GTF2IRD1: variants seen among roughly 807,000 people sequenced by gnomAD.
GTF2IRD1 encodes the protein GTF2I repeat domain containing 1.
GTF2IRD1 carries 26 observed loss-of-function variants against 113.2 expected under a neutral mutation model. The ratio of observed to expected loss-of-function variants is 0.23; its 90% confidence interval spans 0.17 to 0.32. The LOEUF is 0.32. Among genes scored for constraint, GTF2IRD1 ranks in the 10% least tolerant of loss-of-function variants. The probability of loss-of-function intolerance (pLI) is 1.00; values close to 1 mark genes in which losing one functional copy is unlikely to be tolerated. For synonymous variants in GTF2IRD1, 484 were observed against 529.1 expected (o/e 0.91, Z 1.17); for missense variants, 864 against 1,280.8 (o/e 0.67, Z 4.97).
chr7:74,554,150 G>T (rs1276680320), intron 17 of GTF2IRD1, among the ~76,000 whole-genome samples: 2 of 152,054 alleles, frequency 1.3e-5, no homozygotes, highest in African/African-American at 4.8e-5. Flanking sequence ...ACCTCTCCAG[G>T]CCCATTACCT....
At chr7:74,454,698 A>AC (rs1214935700) in intron 1 of GTF2IRD1, among the ~76,000 whole-genome samples, 1 of 148,434 alleles carries the variant, frequency 6.7e-6, no homozygotes, top group Non-Finnish European at 1.5e-5. Flanking sequence ...CCTGTAGTGG[A>AC]CCCCCCGCCC....
intron 22 of GTF2IRD1, among the ~76,000 whole-genome samples, chr7:74,569,189 T>C (rs1341929759): frequency 6.6e-6 from 1 of 152,192 alleles, no homozygotes; most frequent in Non-Finnish European, 1.5e-5. Flanking sequence ...TGGTGTTCCC[T>C]AGGCCAGGGG....
intron 1 of GTF2IRD1, among the ~76,000 whole-genome samples, chr7:74,468,096 C>T (rs547054532): frequency 1.3e-5 from 2 of 152,284 alleles, no homozygotes; most frequent in South Asian, 4.1e-4. Context: ...CCCCAGTGTA[C>T]ACAGCTCCCC....
At chr7:74,547,904 G>A (rs1554353848) in intron 17 of GTF2IRD1, among the ~76,000 whole-genome samples, 1 of 152,068 alleles carries the variant, frequency 6.6e-6, no homozygotes, top group African/African-American at 2.4e-5. Flanking sequence ...AGTTTCCCCA[G>A]ATGCAGAATG....
At chr7:74,482,301 C>T (rs1794789268) in intron 1 of GTF2IRD1, among the ~76,000 whole-genome samples, 1 of 146,424 alleles carries the variant, frequency 6.8e-6, no homozygotes, top group Non-Finnish European at 1.5e-5. Context: ...AATCTCGGCT[C>T]ACTGCAGCCT....
In GTF2IRD1 at chr7:74,503,166, C is replaced by CAAAA. The variant is rs10626336; in HGVS notation, c.-6-4899_-6-4896dup. On this transcript the variant is annotated intron_variant, in intron 1 of 26. Coordinates refer to ENST00000424337, the MANE Select transcript of GTF2IRD1 (RefSeq NM_005685.4). Reference sequence around the variant, plus strand: ...TGGGCAATAGAGTGAGACTCCATCTCAAAAAAAAAAAAATACAGTGTCCAG... The same window carrying CAAAA: ...TGGGCAATAGAGTGAGACTCCATCTCAAAAAAAAAAAAAAAAATACAGTGTCCAG... Among the ~76,000 whole-genome samples, 337 of 140,904 alleles carry CAAAA rather than the reference C, an allele frequency of 2.4e-3. 2 individuals are homozygous for CAAAA. The highest frequency in any genetic ancestry group is 7.7e-3 in the African/African-American group (296 of 38,672). The allele number at this position is 140,904 out of a possible 152,430, so 92.4% of individuals were successfully genotyped here.
At chr7:74,600,899 G>A (rs1455761170) in intron 25 of GTF2IRD1, 145 bp from the exon 26 acceptor site, 21 of 805,772 alleles carry the variant, frequency 2.6e-5, no homozygotes, top group Admixed American at 9.2e-5. Flanking sequence ...GGACAGGTGG[G>A]CCCTGACCCC....
intron 21 of GTF2IRD1, among the ~76,000 whole-genome samples, chr7:74,559,337 A>G (rs1397602753): frequency 1.3e-5 from 2 of 152,158 alleles, no homozygotes; most frequent in African/African-American, 4.8e-5. Flanking sequence ...CGGGAAAGGT[A>G]TTCAGCCCCC....
At chr7:74,505,595 G>T (rs948935356) in intron 1 of GTF2IRD1, among the ~76,000 whole-genome samples, 2 of 152,232 alleles carry the variant, frequency 1.3e-5, no homozygotes, top group South Asian at 4.1e-4. Context: ...CAGCCGGGGG[G>T]CCAGGGCTAG....
At chr7:74,529,162 G>C (rs377412036) in intron 8 of GTF2IRD1, among the ~76,000 whole-genome samples, 1 of 152,134 alleles carries the variant, frequency 6.6e-6, no homozygotes, top group African/African-American at 2.4e-5. Flanking sequence ...GGAGCACACA[G>C]AGGCATGAAG....
chr7:74,497,899 T>G (rs1795820599), intron 1 of GTF2IRD1, among the ~76,000 whole-genome samples: 1 of 152,014 alleles, frequency 6.6e-6, no homozygotes, highest in African/African-American at 2.4e-5. Flanking sequence ...GAGATGGGTT[T>G]CACCATGTTG....
intron 25 of GTF2IRD1, 24 bp downstream of exon 25, chr7:74,595,075 C>T: frequency 6.4e-7 from 1 of 1,560,504 alleles, no homozygotes. Flanking sequence ...GAAGAAGCCA[C>T]CCTTCTGCTC....
chr7:74,588,269 G>A (rs1381018350), intron 22 of GTF2IRD1, among the ~76,000 whole-genome samples: 5 of 151,508 alleles, frequency 3.3e-5, no homozygotes, highest in African/African-American at 7.3e-5. Context: ...CACCACACTC[G>A]GCTAATTTTT....
At chr7:74,502,623 C>A (rs1584537187) in intron 1 of GTF2IRD1, among the ~76,000 whole-genome samples, 1 of 152,344 alleles carries the variant, frequency 6.6e-6, no homozygotes, top group East Asian at 1.9e-4. Context: ...TGCCTTGAGT[C>A]AGGGCAGCAC....
At chr7:74,567,853 T>C (rs1291658339) in intron 22 of GTF2IRD1, among the ~76,000 whole-genome samples, 1 of 152,092 alleles carries the variant, frequency 6.6e-6, no homozygotes, top group Non-Finnish European at 1.5e-5. Context: ...TGGCGTGATC[T>C]CGGCTCACTG....
Position 74,538,156 on chromosome 7 carries a change from C to T in GTF2IRD1, c.1430C>T (p.Ser477Phe). 2 of 1,612,476 alleles carry T rather than the reference C, an allele frequency of 1.2e-6. No homozygotes were observed. Among genetic ancestry groups the T allele is most frequent in the Non-Finnish European group, 1.7e-6 (2 of 1,179,838 alleles). ...CACAGGTCAGACAAGGGCAGCATGTCTGAAGACTGTGGGCCAGGTGAGAAG... is the reference window on the plus strand; with the variant it reads ...CACAGGTCAGACAAGGGCAGCATGTTTGAAGACTGTGGGCCAGGTGAGAAG... Reference protein sequence around the residue: ...GNARSDKGSMSEDCGPGTSGE... With the variant: ...GNARSDKGSMFEDCGPGTSGE... Residue 477 changes from serine to phenylalanine, a missense_variant, in exon 12 of 27, where the codon TCT becomes TTT. By Grantham distance (155) the Ser-to-Phe change is radical. Around this residue, in one of 7 missense-constraint regions of GTF2IRD1, gnomAD observed 218 missense variants for 352.6 expected, o/e 0.62. Coordinates refer to ENST00000424337, the MANE Select transcript of GTF2IRD1 (RefSeq NM_005685.4).
intron 1 of GTF2IRD1, among the ~76,000 whole-genome samples, chr7:74,461,490 C>G (rs1481253713): frequency 6.6e-6 from 1 of 152,126 alleles, no homozygotes; most frequent in East Asian, 1.9e-4. Context: ...CCAGTGAGGA[C>G]CTTGCAGAGG....
At chr7:74,538,788 T>G (rs1554350932) in intron 13 of GTF2IRD1, 28 bp downstream of exon 13, 1 of 1,252,434 alleles carries the variant, frequency 8.0e-7, no homozygotes, top group East Asian at 2.3e-5. Flanking sequence ...GACCACCCCC[T>G]GCAGAAATCA....
intron 7 of GTF2IRD1, among the ~76,000 whole-genome samples, chr7:74,522,601 C>A (rs1203322363): frequency 6.6e-6 from 1 of 152,172 alleles, no homozygotes; most frequent in East Asian, 1.9e-4. Flanking sequence ...TCCCCCCCAA[C>A]AACAACCCAA....
Sources: gnomAD v4.1 joint callset for allele counts (sites outside exome capture counted in the v4.1 genomes callset) on GRCh38, gnomAD v4.1.1 for gene constraint, gnomAD v4.1.1 regional missense constraint, MANE v1.5 for transcripts, NCBI Gene and HGNC (gene_info 2026-07-23, HGNC 2026-07-21) for gene names.